The following ZNG1E variants were observed in gnomAD, a reference collection of about 807,000 sequenced individuals.
ZNG1E encodes Zn regulated GTPase metalloprotein activator 1E, also known as zinc-regulated GTPase metalloprotein activator 1E.
At chr9:65,706,522 C>T in the ZNG1E span, 1 of 85,462 alleles carries the variant, frequency 1.2e-5, no homozygotes, top group Admixed American at 1.3e-4. Flanking sequence ...GCTTTTATCT[C>T]CAAAGGAGGA....
the ZNG1E span, among the ~76,000 whole-genome samples, chr9:65,680,380 T>C: frequency 1.3e-5 from 2 of 152,346 alleles, no homozygotes; most frequent in African/African-American, 4.8e-5. Context: ...GACTGTTTTT[T>C]TCATCATCTT....
At chr9:65,667,556 A>G in the ZNG1E span, among the ~76,000 whole-genome samples, 36 of 152,194 alleles carry the variant, frequency 2.4e-4, no homozygotes, top group African/African-American at 8.2e-4. Context: ...GCTAATCAAC[A>G]TACTTTCTTA....
the ZNG1E span, among the ~76,000 whole-genome samples, chr9:65,663,197 T>C: frequency 6.6e-6 from 1 of 152,280 alleles, no homozygotes; most frequent in African/African-American, 2.4e-5. Context: ...GCAAGTCAAC[T>C]GTTAACTTTG....
the ZNG1E span, among the ~76,000 whole-genome samples, chr9:65,661,513 T>C: frequency 6.6e-6 from 1 of 152,238 alleles, no homozygotes; most frequent in Non-Finnish European, 1.5e-5. Flanking sequence ...GTTCTGCTAA[T>C]ATCTAGAATA....
the ZNG1E span, among the ~76,000 whole-genome samples, chr9:65,712,454 C>G: frequency 2.5e-5 from 1 of 39,450 alleles, no homozygotes; most frequent in Non-Finnish European, 4.6e-5. Context: ...GTTAGGGTGT[C>G]AATTTTGGAT....
At chr9:65,680,793 G>T in the ZNG1E span, among the ~76,000 whole-genome samples, 44 of 150,140 alleles carry the variant, frequency 2.9e-4, no homozygotes, top group African/African-American at 1.0e-3. Context: ...AAAAGTTTAG[G>T]TTTTTTTTTT....
chr9:65,667,976 C>A, the ZNG1E span, among the ~76,000 whole-genome samples: 1 of 141,288 alleles, frequency 7.1e-6, no homozygotes, highest in South Asian at 2.4e-4. Flanking sequence ...AGCCTGGACA[C>A]CATGAGCAAA....
At chr9:65,666,302 G>C in the ZNG1E span, among the ~76,000 whole-genome samples, 1 of 150,366 alleles carries the variant, frequency 6.7e-6, no homozygotes, top group East Asian at 1.9e-4. Flanking sequence ...TAGTGAATAA[G>C]TCTCATGAGA....
the ZNG1E span, among the ~76,000 whole-genome samples, chr9:65,711,411 A>G: frequency 1.5e-5 from 2 of 130,796 alleles, no homozygotes; most frequent in Admixed American, 1.6e-4. Flanking sequence ...GTGGTGAGAG[A>G]GGACATCCCT....
chr9:65,664,621 A>G, the ZNG1E span, among the ~76,000 whole-genome samples: 702 of 145,944 alleles, frequency 4.8e-3, no homozygotes, highest in Non-Finnish European at 7.8e-3. Context: ...AATTGGTACA[A>G]GTAGAGTGGG....
At chr9:65,714,867 C>T in the ZNG1E span, among the ~76,000 whole-genome samples, 98 of 151,938 alleles carry the variant, frequency 6.4e-4, no homozygotes, top group African/African-American at 2.1e-3. Context: ...CTGTGCCCTG[C>T]CCCCAGAGGT....
chr9:65,664,026 A>G, the ZNG1E span, among the ~76,000 whole-genome samples: 1 of 152,250 alleles, frequency 6.6e-6, no homozygotes, highest in Non-Finnish European at 1.5e-5. Context: ...ATGCACATAC[A>G]AGCATGTTTT....
the ZNG1E span, among the ~76,000 whole-genome samples, chr9:65,657,769 C>A: frequency 6.6e-6 from 1 of 152,282 alleles, no homozygotes; most frequent in Non-Finnish European, 1.5e-5. Context: ...AACGGATATA[C>A]CATTTACCTG....
chr9:65,667,576 A>G, the ZNG1E span, among the ~76,000 whole-genome samples: 3 of 152,270 alleles, frequency 2.0e-5, no homozygotes, highest in African/African-American at 7.2e-5. Context: ...ATATTTCTTG[A>G]TAATATGTTG....
the ZNG1E span, chr9:65,691,025 T>C: frequency 1.9e-6 from 3 of 1,600,348 alleles, no homozygotes; most frequent in African/African-American, 4.1e-5. Flanking sequence ...TTTACCTTGA[T>C]GGTAAGTTAA....
the ZNG1E span, among the ~76,000 whole-genome samples, chr9:65,715,371 G>T: frequency 6.6e-6 from 1 of 150,910 alleles, no homozygotes; most frequent in African/African-American, 2.5e-5. Flanking sequence ...CGTCTCTCAC[G>T]CTGGGAGCTG....
the ZNG1E span, among the ~76,000 whole-genome samples, chr9:65,722,733 T>A: frequency 8.1e-6 from 1 of 123,410 alleles, no homozygotes; most frequent in East Asian, 2.5e-4. Context: ...TTTTTTTTTT[T>A]AGTAGAGATG....
the ZNG1E span, among the ~76,000 whole-genome samples, chr9:65,715,413 G>T: frequency 6.6e-6 from 1 of 150,524 alleles, no homozygotes; most frequent in African/African-American, 2.5e-5. Context: ...CGGCCATCTT[G>T]GCTCCTCTCT....
the ZNG1E span, among the ~76,000 whole-genome samples, chr9:65,712,796 AGGTGT>A: frequency 6.1e-5 from 1 of 16,502 alleles, no homozygotes; most frequent in Non-Finnish European, 1.1e-4. Context: ...ATTTTGGAAT[AGGTGT>A]GGTGTGGTGC....
Sources: allele counts gnomAD v4.1 joint callset (sites outside exome capture counted in the v4.1 genomes callset), GRCh38; gene constraint gnomAD v4.1.1; transcripts MANE v1.5; gene names NCBI Gene and HGNC (gene_info 2026-07-23, HGNC 2026-07-21).